The following ASIC2 variants were observed in gnomAD, a reference collection of about 807,000 sequenced individuals.
ASIC2 encodes acid-sensing ion channel 2.
Under a neutral mutation model 57.3 loss-of-function variants are expected in ASIC2, and 25 were observed. The observed-to-expected ratio is 0.44, with a 90% CI of 0.32 to 0.61. ASIC2 has a LOEUF of 0.61. Among genes scored for constraint, ASIC2 ranks in the 20% least tolerant of loss-of-function variants. The pLI is 0.06. For missense variants in ASIC2, 641 were observed against 738.1 expected (o/e 0.87, Z 1.52); for synonymous variants, 319 against 307.5 (o/e 1.04, Z -0.39).
At chr17:33,939,472 A>G (rs944389015) in intron 1 of ASIC2, among the ~76,000 whole-genome samples, 2 of 152,236 alleles carry the variant, frequency 1.3e-5, no homozygotes, top group African/African-American at 4.8e-5. Context: ...GTCACAAAGC[A>G]TGTCAGCTGA....
intron 1 of ASIC2, among the ~76,000 whole-genome samples, chr17:34,134,501 A>T (rs1364165923): frequency 6.6e-6 from 1 of 152,146 alleles, no homozygotes; most frequent in Admixed American, 6.5e-5. Context: ...GGAAGGAGAG[A>T]ATGGAAGGAA....
intron 1 of ASIC2, among the ~76,000 whole-genome samples, chr17:33,190,786 C>T (rs1382578479): frequency 9.9e-5 from 15 of 152,074 alleles, no homozygotes; most frequent in Non-Finnish European, 2.9e-5. Context: ...CTACACTAAG[C>T]ACCATTATAA....
At chr17:33,176,361 G>C (rs959106927) in intron 1 of ASIC2, among the ~76,000 whole-genome samples, 1 of 152,256 alleles carries the variant, frequency 6.6e-6, no homozygotes, top group African/African-American at 2.4e-5. Context: ...TCTTTTTTGA[G>C]ATAGGGTCTC....
chr17:33,942,487 C>G (rs1451173325), intron 1 of ASIC2, among the ~76,000 whole-genome samples: 1 of 152,132 alleles, frequency 6.6e-6, no homozygotes, highest in African/African-American at 2.4e-5. Flanking sequence ...GAACTCAGAC[C>G]CTCTGCCTTC....
intron 1 of ASIC2, among the ~76,000 whole-genome samples, chr17:33,520,090 G>T (rs1295484125): frequency 1.3e-5 from 2 of 152,196 alleles, no homozygotes. Context: ...TGAGCAGAGG[G>T]TATCTTTGCA....
intron 1 of ASIC2, among the ~76,000 whole-genome samples, chr17:33,184,720 G>A (rs1335122820): frequency 6.6e-6 from 1 of 152,114 alleles, no homozygotes; most frequent in Non-Finnish European, 1.5e-5. Context: ...TGCCTTTCAG[G>A]GGTAAGCACC....
chr17:33,292,178 T>A lies in ASIC2; in HGVS notation c.-63A>T, dbSNP rs1249475008. On this transcript the variant is annotated 5_prime_UTR_variant, in exon 1 of 10. Coordinates refer to ENST00000225823, the MANE Select transcript of ASIC2 (RefSeq NM_183377.2). ...CGGCCGGGCGGAGCCGCCATGGGAG[T>A]CCGCAGCAGCAGTGGAAGCAGCAGC... 10 of 1,012,802 alleles carry A rather than the reference T, an allele frequency of 9.9e-6. No individual in the cohort carries two copies. The highest frequency in any genetic ancestry group is 1.1e-5 in the Non-Finnish European group (9 of 850,684). 62.7% of individuals were successfully genotyped at this position (1,012,802 alleles called of 1,614,324 possible). A position where few individuals can be genotyped will look rare whatever the true frequency, so the allele number is the denominator to read the frequency against.
At chr17:33,051,351 T>C (rs769954377) in intron 3 of ASIC2, among the ~76,000 whole-genome samples, 10 of 152,184 alleles carry the variant, frequency 6.6e-5, no homozygotes, top group Non-Finnish European at 1.3e-4. Context: ...CTCCCAATCC[T>C]GTGCCCTGCC....
chr17:33,299,897 G>A (rs374148364), intron 1 of ASIC2, among the ~76,000 whole-genome samples: 14 of 152,252 alleles, frequency 9.2e-5, no homozygotes, highest in African/African-American at 2.2e-4. Context: ...CACTTTCAGC[G>A]GAGGAAGTCA....
At chr17:33,513,258 T>C (rs2141950541) in intron 1 of ASIC2, among the ~76,000 whole-genome samples, 1 of 152,372 alleles carries the variant, frequency 6.6e-6, no homozygotes, top group African/African-American at 2.4e-5. Context: ...TTGCATTTAT[T>C]TTATGATTCT....
chr17:33,946,999 G>A (rs923857764), intron 1 of ASIC2, among the ~76,000 whole-genome samples: 9 of 152,224 alleles, frequency 5.9e-5, no homozygotes, highest in African/African-American at 2.2e-4. Context: ...TGAGATTATT[G>A]TTATAAAGTT....
intron 3 of ASIC2, among the ~76,000 whole-genome samples, chr17:33,087,583 T>TTTTTG (rs1479226605): frequency 1.3e-5 from 2 of 149,184 alleles, no homozygotes; most frequent in Non-Finnish European, 3.0e-5. Context: ...GTGTTTTTTT[T>TTTTTG]TTTTTTTTTT....
At chr17:33,827,057 T>A (rs1472857793) in intron 1 of ASIC2, among the ~76,000 whole-genome samples, 1 of 152,152 alleles carries the variant, frequency 6.6e-6, no homozygotes, top group Non-Finnish European at 1.5e-5. Flanking sequence ...GTTTCTTCTG[T>A]ATGTTAGAAA....
chr17:33,930,306 G>A (rs140837374), intron 1 of ASIC2, among the ~76,000 whole-genome samples: 7 of 152,334 alleles, frequency 4.6e-5, no homozygotes, highest in African/African-American at 9.6e-5. Context: ...CTCAAAGGCC[G>A]TATATTTGTA....
chr17:33,600,000 C>T (rs1429615695), intron 1 of ASIC2, among the ~76,000 whole-genome samples: 1 of 152,184 alleles, frequency 6.6e-6, no homozygotes, highest in Non-Finnish European at 1.5e-5. Flanking sequence ...TAACAGTTCT[C>T]GCCATCTTCA....
chr17:33,349,473 A>C (rs733136), intron 1 of ASIC2, among the ~76,000 whole-genome samples: 1 of 151,850 alleles, frequency 6.6e-6, no homozygotes, highest in African/African-American at 2.4e-5. Flanking sequence ...ATGTTGAAAA[A>C]CAGTTCTCCA....
At chr17:33,111,727 G>T in intron 2 of ASIC2, 190 bp downstream of exon 2, 1 of 684,572 alleles carries the variant, frequency 1.5e-6, no homozygotes, top group Non-Finnish European at 2.2e-6. Flanking sequence ...CTCTCACATA[G>T]TAAAAGGTGA....
At chr17:33,142,740 C>T (rs1692132859) in intron 1 of ASIC2, among the ~76,000 whole-genome samples, 1 of 152,192 alleles carries the variant, frequency 6.6e-6, no homozygotes, top group African/African-American at 2.4e-5. Flanking sequence ...TCCTTTGGGC[C>T]TCACTGGAAA....
At chr17:33,243,554 G>GA (rs11427988) in intron 1 of ASIC2, among the ~76,000 whole-genome samples, 7,347 of 151,860 alleles carry the variant, frequency 0.048, 610 homozygotes, top group African/African-American at 0.17. Context: ...TAGACAGAAG[G>GA]AAAAAAAATC....
Sources: allele counts gnomAD v4.1 joint callset (sites outside exome capture counted in the v4.1 genomes callset), GRCh38; gene constraint gnomAD v4.1.1; transcripts MANE v1.5; gene names NCBI Gene and HGNC (gene_info 2026-07-23, HGNC 2026-07-21).